Variants in CIDEC observed in about 807,000 individuals in gnomAD.
CIDEC encodes the protein lipid transferase CIDEC.
CIDEC carries 11 observed loss-of-function variants against 21.9 expected under a neutral mutation model. The ratio of observed to expected loss-of-function variants is 0.50; its 90% CI spans 0.32 to 0.83. The LOEUF (loss-of-function observed/expected upper bound fraction) is 0.83, where lower values mean the gene tolerates loss of function less well. Ranked by LOEUF, CIDEC falls within the 40% of genes least tolerant of loss-of-function variation. CIDEC has a pLI of 0.04. For synonymous variants in CIDEC, 127 were observed against 124.9 expected, an observed-to-expected ratio of 1.02 and a Z score of -0.11; for missense variants, 302 against 302.3, an observed-to-expected ratio of 1.00 and a Z score of 0.01.
intron 3 of CIDEC, chr3:9,878,144 C>G (rs1575458668): frequency 2.5e-6 from 1 of 395,882 alleles, no homozygotes; most frequent in East Asian, 4.7e-5. Context: ...GTATAATAAC[C>G]CCCACTTCCC....
chr3:9,877,108 C>T lies in CIDEC; in HGVS notation c.165G>A (p.Arg55=). 7 of 1,553,406 alleles carry T rather than the reference C, an allele frequency of 4.5e-6. No individual in the cohort carries two copies. The highest frequency in any genetic ancestry group is 6.1e-6 in the Non-Finnish European group (7 of 1,147,842). The change falls in exon 4 of 7, where the codon AGG becomes AGA. Residue 55 remains arginine (R), a synonymous_variant. Transcript: ENST00000336832. The stretch of plus-strand genomic sequence containing the variant: ...CAAGACTGTAAGCCATGATGCCCTT[C>T]CTCACGCTTCGATCCGCCGTGCTTA... ...CRVSTADRSV[R]KGIMAYSLED...
At chr3:9,869,843 T>C (rs372112203) in intron 6 of CIDEC, 39 bp downstream of exon 6, 512 of 1,596,074 alleles carry the variant, frequency 3.2e-4, no homozygotes, top group Non-Finnish European at 3.2e-4. Context: ...TCCCATTGCC[T>C]GTACCCACCC....
chr3:9,869,093 T>C (rs774594127), intron 6 of CIDEC, among the ~76,000 whole-genome samples: 2 of 152,120 alleles, frequency 1.3e-5, no homozygotes, highest in Non-Finnish European at 2.9e-5. Context: ...CCTCCCAAAG[T>C]GCTGGGATCC....
intron 1 of CIDEC, among the ~76,000 whole-genome samples, chr3:9,879,901 G>A (rs534484685): frequency 6.6e-6 from 1 of 152,262 alleles, no homozygotes; most frequent in African/African-American, 2.4e-5. Context: ...TCCCGGCACA[G>A]GTAGGGCTTC....
rs878955113 is a variant in CIDEC at position 9,866,834 on chromosome 3, C to T, written c.*300G>A. On this transcript the variant is annotated 3_prime_UTR_variant, in exon 7 of 7. Transcript: ENST00000336832. Reference sequence around the variant, plus strand: ...GAGAGCACCATGAAAGTACAGCCTGCGAGGCCAGATTGCTAAGGGGCAGAC... The same window carrying T: ...GAGAGCACCATGAAAGTACAGCCTGTGAGGCCAGATTGCTAAGGGGCAGAC... The T allele has an allele frequency of 2.5e-4, 146 of 593,262 alleles. 3 individuals are homozygous for T. Among genetic ancestry groups the T allele is most frequent in the South Asian group, 9.2e-4 (46 of 49,738 alleles). The allele number at this position is 593,262 out of a possible 1,614,324, so 36.7% of individuals were successfully genotyped here.
Position 9,867,084 on chromosome 3 carries a change from A to G in CIDEC, c.*50T>C, listed in dbSNP as rs370994206. 573 of 1,591,770 alleles carry G rather than the reference A, an allele frequency of 3.6e-4. No individual in the cohort carries two copies. Among genetic ancestry groups the G allele is most frequent in the South Asian group, 6.3e-4 (57 of 90,590 alleles). On this transcript the variant is annotated 3_prime_UTR_variant, in exon 7 of 7. Coordinates refer to ENST00000336832, the MANE Select transcript of CIDEC (RefSeq NM_001321142.2). ...TTGTGGGCACTACCAGTTAAGCGTG[A>G]GGCCCCCAGTCAGTCCTTCACTGGG... is the stretch of plus-strand genomic sequence containing the variant.
At position 9,877,152 on chromosome 3, in the gene CIDEC, T is replaced by TG; in HGVS notation, c.120dup (p.Arg41GlnfsTer24). 6.4e-7 allele frequency: 1 copy of TG among 1,551,506 alleles called. No individual in the cohort carries two copies. The highest frequency in any genetic ancestry group is 8.7e-7 in the Non-Finnish European group (1 of 1,147,082). ...GTGCTTACGCGGCAGGGCCGGGCCCTGGGGGCCTTGGGGCTGGGCTCCGAC... is the reference window on the plus strand; with the variant it reads ...GTGCTTACGCGGCAGGGCCGGGCCCTGGGGGGCCTTGGGGCTGGGCTCCGAC... On this transcript the variant is annotated frameshift_variant, in exon 4 of 7. Transcript: ENST00000336832. LOFTEE classifies it high-confidence loss of function.
chr3:9,878,902 G>A, intron 2 of CIDEC, 40 bp downstream of exon 2: 3 of 1,231,322 alleles, frequency 2.4e-6, no homozygotes, highest in Non-Finnish European at 3.5e-6. Context: ...GGCAGGAGGT[G>A]AGTCACACCA....
At position 9,867,086 on chromosome 3, in the gene CIDEC, G is replaced by T. The variant is rs750287728; in HGVS notation, c.*48C>A. The T allele has an allele frequency of 6.3e-7, 1 of 1,588,548 alleles. No homozygotes were observed. Among genetic ancestry groups the T allele is most frequent in the Non-Finnish European group, 8.6e-7 (1 of 1,158,414 alleles). On this transcript the variant is annotated 3_prime_UTR_variant, in exon 7 of 7. Coordinates refer to ENST00000336832, the MANE Select transcript of CIDEC (RefSeq NM_001321142.2). ...GTGGGCACTACCAGTTAAGCGTGAG[G>T]CCCCCAGTCAGTCCTTCACTGGGGA...
intron 1 of CIDEC, among the ~76,000 whole-genome samples, chr3:9,879,418 T>C (rs2082475283): frequency 6.6e-6 from 1 of 152,092 alleles, no homozygotes; most frequent in Non-Finnish European, 1.5e-5. Flanking sequence ...GTGATCTCCC[T>C]GTCTTGGCCT....
At chr3:9,872,188 T>A (rs1321015967) in intron 4 of CIDEC, among the ~76,000 whole-genome samples, 1 of 151,898 alleles carries the variant, frequency 6.6e-6, no homozygotes, top group Non-Finnish European at 1.5e-5. Flanking sequence ...AGCCTTTTTT[T>A]TTTGAAACAG....
chr3:9,870,003 A>G lies in CIDEC; in HGVS notation c.433T>C (p.Phe145Leu). 5.0e-6 allele frequency: 8 copies of G among 1,614,156 alleles called. No individual in the cohort carries two copies. Among genetic ancestry groups the G allele is most frequent in the Non-Finnish European group, 6.8e-6 (8 of 1,180,022 alleles). ...AKKIDVARVT[F>L]DLYKLNPQDF... ...TGTGGGTTCAGCTTGTACAGATCAA[A>G]CGTTACACGGGCCACATCAATCTTC... Residue 145 changes from phenylalanine to leucine, a missense_variant, in exon 6 of 7, where the codon TTT becomes CTT. Phe to Leu is a conservative substitution (Grantham distance 22). Coordinates refer to ENST00000336832, the MANE Select transcript of CIDEC (RefSeq NM_001321142.2).
rs553318496 is a variant in CIDEC at position 9,877,318 on chromosome 3, G to A, written c.54-99C>T. ...CCCCACCCCTCCTGACTGGGCTCAT[G>A]ATCAGTCAACCCCCCATCACCTGCT... On this transcript the variant is annotated intron_variant, in intron 3 of 6. Coordinates refer to ENST00000336832, the MANE Select transcript of CIDEC (RefSeq NM_001321142.2). The A allele has an allele frequency of 1.5e-5, 18 of 1,200,442 alleles. No homozygotes were observed. In the African/African-American group the frequency reaches 2.0e-4, roughly 13 times the overall value. 74.4% of individuals were successfully genotyped at this position (1,200,442 alleles called of 1,614,324 possible). A position where few individuals can be genotyped will look rare whatever the true frequency, so the allele number is the denominator to read the frequency against.
intron 4 of CIDEC, among the ~76,000 whole-genome samples, chr3:9,876,733 G>A (rs2082427198): frequency 1.6e-5 from 2 of 128,456 alleles, no homozygotes; most frequent in African/African-American, 3.0e-5. Context: ...CTCCAGCCTG[G>A]ATGACAAGAG....
intron 3 of CIDEC, 51 bp from the exon 4 acceptor site, chr3:9,877,270 C>G: frequency 6.5e-7 from 1 of 1,541,506 alleles, no homozygotes; most frequent in Non-Finnish European, 8.8e-7. Context: ...CCAACCCTTG[C>G]CCACCACACA....
chr3:9,875,338 C>T lies in CIDEC; in HGVS notation c.207+1728G>A, dbSNP rs1377792216. Among the ~76,000 whole-genome samples, 3 of 145,124 alleles carry T rather than the reference C, an allele frequency of 2.1e-5. No homozygotes were observed. In the South Asian group the frequency reaches 6.4e-4, roughly 31 times the overall value. Reference sequence around the variant, plus strand: ...CTTGCAGTGAGCCGAGATAGCACCACTGCACTCCAGCGTGGGCGACAAAGC... The same window carrying T: ...CTTGCAGTGAGCCGAGATAGCACCATTGCACTCCAGCGTGGGCGACAAAGC... On this transcript the variant is annotated intron_variant, in intron 4 of 6. Coordinates refer to ENST00000336832, the MANE Select transcript of CIDEC (RefSeq NM_001321142.2).
At chr3:9,876,111 G>A (rs1393823199) in intron 4 of CIDEC, among the ~76,000 whole-genome samples, 1 of 152,208 alleles carries the variant, frequency 6.6e-6, no homozygotes, top group Non-Finnish European at 1.5e-5. Context: ...ATAATTGGAA[G>A]CCTAATCCAA....
Position 9,869,944 on chromosome 3 carries a change from A to C in CIDEC, c.492T>G (p.Thr164=). The change falls in exon 6 of 7, where the codon ACT becomes ACG. Residue 164 remains threonine, a synonymous_variant. Coordinates refer to ENST00000336832, the MANE Select transcript of CIDEC (RefSeq NM_001321142.2). ...DFIGCLNVKA[T]FYDTYSLSYD... ...AGGAAAGGGAGTATGTATCATAAAA[A>C]GTCGCCTTCACGTTCAGGCAGCCAA... The C allele has an allele frequency of 6.2e-7, 1 of 1,614,232 alleles. No individual in the cohort carries two copies. Among genetic ancestry groups the C allele is most frequent in the Non-Finnish European group, 8.5e-7 (1 of 1,180,048 alleles).
intron 4 of CIDEC, among the ~76,000 whole-genome samples, chr3:9,872,119 C>T (rs2082356722): frequency 6.6e-6 from 1 of 151,796 alleles, no homozygotes; most frequent in Non-Finnish European, 1.5e-5. Flanking sequence ...AGCCATATAT[C>T]CACTTTTTGG....
Sources: allele counts gnomAD v4.1 joint callset (sites outside exome capture counted in the v4.1 genomes callset), GRCh38; gene constraint gnomAD v4.1.1; transcripts MANE v1.5; gene names NCBI Gene and HGNC (gene_info 2026-07-23, HGNC 2026-07-21).